Variants in RIF1 observed in about 807,000 individuals in gnomAD.
The protein encoded by RIF1 is telomere-associated protein RIF1.
A neutral mutation model predicts 247.1 loss-of-function variants in RIF1; 45 were observed. That is an observed-to-expected ratio of 0.18 (90% CI 0.14 to 0.23). The LOEUF is 0.23. Ranked by LOEUF, RIF1 falls within the 10% of genes least tolerant of loss-of-function variation. The probability of loss-of-function intolerance (pLI) is 1.00; values close to 1 mark genes in which losing one functional copy is unlikely to be tolerated. For synonymous variants in RIF1, 1,087 were observed against 978.8 expected, an observed-to-expected ratio of 1.11 and a Z score of -2.06; for missense variants, 2,967 against 2,862.5, an observed-to-expected ratio of 1.04 and a Z score of -0.83.
Position 151,478,343 on chromosome 2 carries a change from A to C in RIF1, c.*3272A>C, listed in dbSNP as rs887644592. Reference sequence around the variant, plus strand: ...TCTACTAAAAATACAAAAACCAGCCAGGCATGTTGGCGCATACTTGTAATC... The same window carrying C: ...TCTACTAAAAATACAAAAACCAGCCCGGCATGTTGGCGCATACTTGTAATC... On this transcript the variant is annotated 3_prime_UTR_variant, in exon 36 of 36. Transcript: ENST00000444746. 2.0e-5 allele frequency: 3 copies of C among 152,164 alleles called. No homozygotes were observed. The East Asian group carries it at 5.8e-4, about 29-fold the overall frequency. The allele number at this position is 152,164 out of a possible 1,614,324, so 9.4% of individuals were successfully genotyped here.
intron 14 of RIF1, among the ~76,000 whole-genome samples, chr2:151,439,722 G>A (rs1245753785): frequency 6.7e-6 from 1 of 148,558 alleles, no homozygotes; most frequent in Non-Finnish European, 1.5e-5. Context: ...GGTGGCTGAC[G>A]TCTGTAATCC....
chr2:151,418,997 T>C (rs151284730), intron 6 of RIF1, among the ~76,000 whole-genome samples: 5 of 138,562 alleles, frequency 3.6e-5, no homozygotes, highest in African/African-American at 5.2e-5. Flanking sequence ...TTTTTAACTT[T>C]CATAACTTTT....
chr2:151,411,677 A>G (rs1452014362), intron 3 of RIF1, among the ~76,000 whole-genome samples: 1 of 152,230 alleles, frequency 6.6e-6, no homozygotes, highest in Non-Finnish European at 1.5e-5. Context: ...TTGGGATTAC[A>G]GGAGTGAGCC....
At chr2:151,439,350 T>C (rs548383781) in intron 14 of RIF1, among the ~76,000 whole-genome samples, 1 of 152,280 alleles carries the variant, frequency 6.6e-6, no homozygotes, top group Admixed American at 6.5e-5. Flanking sequence ...TATAGTCATC[T>C]CTAAAATTAC....
At chr2:151,442,016 TGAA>T (rs1403927174) in intron 16 of RIF1, 25 bp downstream of exon 16, 12 of 913,848 alleles carry the variant, frequency 1.3e-5, no homozygotes, top group Non-Finnish European at 1.8e-5. Context: ...TGTAATATGA[TGAA>T]GATTGGCCAA....
chr2:151,520,718 A>C, the RIF1 span, among the ~76,000 whole-genome samples: 1 of 151,916 alleles, frequency 6.6e-6, no homozygotes, highest in Admixed American at 6.6e-5. Context: ...ACAAAAATTA[A>C]CTGGGCATTG....
intron 12 of RIF1, among the ~76,000 whole-genome samples, chr2:151,504,534 G>A (rs2067265727): frequency 6.6e-6 from 1 of 152,200 alleles, no homozygotes; most frequent in African/African-American, 2.4e-5. Flanking sequence ...AGAGTGAGAA[G>A]GGAATGAGAT....
At chr2:151,441,116 G>T (rs1237617379) in intron 15 of RIF1, among the ~76,000 whole-genome samples, 2 of 152,126 alleles carry the variant, frequency 1.3e-5, no homozygotes, top group Non-Finnish European at 2.9e-5. Context: ...AGCTTTTATG[G>T]AAGCAGAGGT....
intron 11 of RIF1, among the ~76,000 whole-genome samples, chr2:151,499,972 A>C (rs1346967074): frequency 6.6e-6 from 1 of 152,242 alleles, no homozygotes; most frequent in Non-Finnish European, 1.5e-5. Flanking sequence ...CTTTAAAAAA[A>C]GTCCAGGATC....
the RIF1 span, among the ~76,000 whole-genome samples, chr2:151,521,360 G>A: frequency 1.3e-5 from 2 of 152,148 alleles, no homozygotes; most frequent in East Asian, 1.9e-4. Context: ...AAAAAGAAAC[G>A]TAAACAAATG....
chr2:151,499,501 G>A, exon 11 of RIF1: 1 of 654,852 alleles, frequency 1.5e-6, no homozygotes, highest in South Asian at 1.6e-5. Flanking sequence ...AGAAAAGACA[G>A]ATTCAACAAG....
chr2:151,416,658 G>A lies in RIF1; in HGVS notation c.378G>A (p.Gln126=). 1 of 1,613,058 alleles carries A rather than the reference G, an allele frequency of 6.2e-7. No individual in the cohort carries two copies. The highest frequency in any genetic ancestry group is 1.1e-5 in the South Asian group (1 of 90,742). ...GAGCACTTTGGGTGATATCTAAGCA[G>A]ACATTTCCCTCTGAAGTGGTTGGCA... is the stretch of plus-strand genomic sequence containing the variant. ...RTRALWVISK[Q]TFPSEVVGKM... is the part of the protein sequence containing the mutation. The change falls in exon 5 of 36, where the codon CAG becomes CAA. Residue 126 remains glutamine (Q), a synonymous_variant. Coordinates refer to ENST00000444746, the MANE Select transcript of RIF1 (RefSeq NM_018151.5).
chr2:151,443,763 G>A, intron 18 of RIF1, 54 bp downstream of exon 18: 2 of 1,079,420 alleles, frequency 1.9e-6, no homozygotes, highest in South Asian at 2.5e-5. Context: ...TTTTTTGTTA[G>A]TGCAGTTGGG....
chr2:151,432,570 G>A (rs974723067), intron 9 of RIF1, among the ~76,000 whole-genome samples: 4 of 152,186 alleles, frequency 2.6e-5, no homozygotes, highest in Non-Finnish European at 5.9e-5. Flanking sequence ...TTTTTAAAAT[G>A]ATAGCCTTTT....
At chr2:151,530,717 G>A in the RIF1 span, 5 of 322,024 alleles carry the variant, frequency 1.6e-5, no homozygotes, top group Admixed American at 1.4e-4. Context: ...CCAGCTCCCA[G>A]CCCGCAGCCA....
downstream of RIF1, chr2:151,485,614 G>A (rs2049698750): frequency 1.5e-6 from 1 of 687,252 alleles, no homozygotes; most frequent in South Asian, 3.4e-5. Context: ...AAAACCCAAA[G>A]GAGAAAGGAT....
the RIF1 span, chr2:151,534,343 A>G: frequency 1.3e-6 from 2 of 1,589,264 alleles, no homozygotes; most frequent in Non-Finnish European, 1.7e-6. Flanking sequence ...ATAGCATATT[A>G]TAGCAAGAGT....
rs1686266740 is a variant in RIF1 at position 151,411,682 on chromosome 2, T to TGAGC, written c.183+345_183+348dup. On this transcript the variant is annotated intron_variant, in intron 3 of 35. Transcript: ENST00000444746. ...TCCCAAAGTGTTGGGATTACAGGAG[T>TGAGC]GAGCCACTGTGTCCAGCCACTTTTG... is the stretch of plus-strand genomic sequence containing the variant. Among the ~76,000 whole-genome samples the TGAGC allele has an allele frequency of 2.0e-5, 3 of 152,180 alleles. No individual in the cohort carries two copies. The South Asian group carries it at 6.2e-4, about 32-fold the overall frequency.
the RIF1 span, chr2:151,533,443 T>C: frequency 6.5e-7 from 1 of 1,545,828 alleles, no homozygotes; most frequent in Non-Finnish European, 8.8e-7. Flanking sequence ...AGACATTACC[T>C]GGCTCCACAT....
Sources: gnomAD v4.1 joint callset for allele counts (sites outside exome capture counted in the v4.1 genomes callset) on GRCh38, gnomAD v4.1.1 for gene constraint, MANE v1.5 for transcripts, NCBI Gene and HGNC (gene_info 2026-07-23, HGNC 2026-07-21) for gene names.